EYS: variants seen among roughly 807,000 people sequenced by gnomAD.
EYS encodes protein eyes shut homolog.
Under a neutral mutation model 282.1 loss-of-function variants are expected in EYS, and 250 were observed. The observed-to-expected ratio is 0.89, with a 90% CI of 0.80 to 0.98. EYS has a LOEUF of 0.98. Among genes scored for constraint, EYS ranks in the 50% least tolerant of loss-of-function variants. The pLI is 0.00. For missense variants in EYS, 4,016 were observed against 3,709.0 expected (o/e 1.08, Z -2.15); for synonymous variants, 1,355 against 1,282.9 (o/e 1.06, Z -1.20).
intron 26 of EYS, among the ~76,000 whole-genome samples, chr6:64,445,432 C>A (rs188028738): frequency 1.1e-3 from 168 of 152,218 alleles, no homozygotes; most frequent in Non-Finnish European, 1.8e-3. Flanking sequence ...GAAACTTTAT[C>A]TGAATTGTAT....
rs1773051735 is a variant in EYS at position 63,878,861 on chromosome 6, C to T, written c.7056-14503G>A. ...TTAGGGTGGGAGTGTCCCGATTTTC[C>T]AGGTACTGTCTGTCATGGCCTCCCT... On this transcript the variant is annotated intron_variant, in intron 35 of 42. Coordinates refer to ENST00000503581, the MANE Select transcript of EYS (RefSeq NM_001142800.2). Among the ~76,000 whole-genome samples the T allele has an allele frequency of 2.6e-5, 4 of 152,146 alleles. No individual in the cohort carries two copies. In the South Asian group the frequency reaches 8.3e-4, roughly 32 times the overall value.
intron 35 of EYS, among the ~76,000 whole-genome samples, chr6:63,965,426 T>C (rs529120467): frequency 1.3e-5 from 2 of 152,312 alleles, no homozygotes; most frequent in East Asian, 3.9e-4. Flanking sequence ...TTATTTTTAA[T>C]TGGTTTGTTT....
intron 12 of EYS, among the ~76,000 whole-genome samples, chr6:65,186,164 ATAACT>A (rs1251003064): frequency 9.2e-5 from 14 of 151,880 alleles, no homozygotes; most frequent in East Asian, 2.0e-4. Flanking sequence ...GATATATTAG[ATAACT>A]TAACTTTGTT....
At chr6:65,468,498 TTTAG>T (rs999920648) in intron 5 of EYS, among the ~76,000 whole-genome samples, 33 of 152,124 alleles carry the variant, frequency 2.2e-4, no homozygotes, top group South Asian at 4.1e-4. Flanking sequence ...TATTTATTTA[TTTAG>T]TTAGTTAGTT....
intron 13 of EYS, among the ~76,000 whole-genome samples, chr6:65,002,707 G>T (rs1771502587): frequency 6.8e-6 from 1 of 147,850 alleles, no homozygotes; most frequent in African/African-American, 2.4e-5. Context: ...TTGAGGTGTT[G>T]TGGGAAGTCA....
At chr6:63,745,080 AATAG>A in intron 41 of EYS, 3 of 395,358 alleles carry the variant, frequency 7.6e-6, no homozygotes, top group Non-Finnish European at 1.5e-5. Context: ...ATAGAAGCTA[AATAG>A]ATAAGTAGAA....
At chr6:65,174,053 T>C (rs547527948) in intron 12 of EYS, among the ~76,000 whole-genome samples, 8 of 150,990 alleles carry the variant, frequency 5.3e-5, no homozygotes, top group Non-Finnish European at 1.0e-4. Context: ...ACCCACATGA[T>C]ACAAAATAAT....
chr6:64,292,731 G>A (rs868280181), intron 30 of EYS, among the ~76,000 whole-genome samples: 6 of 152,020 alleles, frequency 3.9e-5, no homozygotes, highest in Admixed American at 1.3e-4. Flanking sequence ...AAGGGACTAC[G>A]TTGACTTTTA....
chr6:63,764,723 T>C (rs1769741084), intron 40 of EYS, among the ~76,000 whole-genome samples: 1 of 151,990 alleles, frequency 6.6e-6, no homozygotes, highest in African/African-American at 2.4e-5. Flanking sequence ...ACATTAAGCA[T>C]AATTTAATAT....
At chr6:65,661,693 T>A (rs1447245147) in intron 1 of EYS, among the ~76,000 whole-genome samples, 1 of 152,084 alleles carries the variant, frequency 6.6e-6, no homozygotes, top group Non-Finnish European at 1.5e-5. Flanking sequence ...AACTTTCGGA[T>A]GATTTCATGA....
At chr6:64,671,303 A>G (rs553946452) in intron 22 of EYS, among the ~76,000 whole-genome samples, 3 of 152,186 alleles carry the variant, frequency 2.0e-5, no homozygotes, top group Non-Finnish European at 4.4e-5. Flanking sequence ...CTCATGAATG[A>G]AACAGTACCC....
chr6:65,245,763 T>C (rs1767163788), intron 12 of EYS, among the ~76,000 whole-genome samples: 1 of 152,114 alleles, frequency 6.6e-6, no homozygotes, highest in African/African-American at 2.4e-5. Context: ...TTGAAAAATC[T>C]TGGATAAACA....
intron 40 of EYS, 66 bp from the exon 41 acceptor site, chr6:63,762,699 G>A: frequency 7.4e-7 from 1 of 1,358,904 alleles, no homozygotes; most frequent in Non-Finnish European, 1.0e-6. Context: ...ACTATGTATT[G>A]CCCTGATGCT....
At chr6:64,095,039 T>G (rs1772538771) in intron 31 of EYS, among the ~76,000 whole-genome samples, 1 of 152,212 alleles carries the variant, frequency 6.6e-6, no homozygotes, top group Admixed American at 6.5e-5. Context: ...AGCAGGTTGT[T>G]CAGTTTCCAT....
chr6:65,449,397 A>AT (rs1446558557), intron 5 of EYS, among the ~76,000 whole-genome samples: 3 of 151,956 alleles, frequency 2.0e-5, no homozygotes, highest in Admixed American at 6.6e-5. Flanking sequence ...TTCTTAGGAG[A>AT]TTTTTCTGCA....
At chr6:64,394,496 T>C (rs1010700676) in intron 28 of EYS, among the ~76,000 whole-genome samples, 1 of 152,182 alleles carries the variant, frequency 6.6e-6, no homozygotes, top group Non-Finnish European at 1.5e-5. Context: ...AACTATCTGA[T>C]CTTTGACAAA....
At chr6:64,026,587 A>C (rs1562159979) in intron 33 of EYS, among the ~76,000 whole-genome samples, 2 of 152,144 alleles carry the variant, frequency 1.3e-5, no homozygotes, top group African/African-American at 4.8e-5. Context: ...AAATGGAGTG[A>C]AATACCTTAT....
intron 22 of EYS, among the ~76,000 whole-genome samples, chr6:64,682,803 T>C (rs1245258654): frequency 6.6e-6 from 1 of 152,222 alleles, no homozygotes; most frequent in Non-Finnish European, 1.5e-5. Context: ...CTAAAGAACC[T>C]TTTTAAATAA....
In EYS at chr6:64,590,979, A is replaced by G; in HGVS notation, c.4888T>C (p.Phe1630Leu). Residue 1630 changes from phenylalanine (F) to leucine (L), a missense_variant, in exon 26 of 43, where the codon TTT becomes CTT. Transcript: ENST00000503581. ...CTTTTTGCACTCTTTTTAGAAGGAA[A>G]TAAAGATGGCACTTCTGTGAATGCC... ...SVAFTEVPSLFPSKKSAKRTI... is the reference protein window; with the variant it reads ...SVAFTEVPSLLPSKKSAKRTI... The G allele has an allele frequency of 1.3e-6, 2 of 1,551,298 alleles. No homozygotes were observed. The highest frequency in any genetic ancestry group is 1.7e-6 in the Non-Finnish European group (2 of 1,146,772).
Sources: gnomAD v4.1 joint callset for allele counts (sites outside exome capture counted in the v4.1 genomes callset) on GRCh38, gnomAD v4.1.1 for gene constraint, MANE v1.5 for transcripts, NCBI Gene and HGNC (gene_info 2026-07-23, HGNC 2026-07-21) for gene names.